Variants in DAP observed in about 807,000 individuals in gnomAD.
The protein encoded by DAP is death associated protein, also known as death-associated protein 1.
Under a neutral mutation model 13.8 loss-of-function variants are expected in DAP, and 8 were observed. That is an observed-to-expected ratio of 0.58 (90% CI 0.34 to 1.05). The LOEUF is 1.05. Among genes scored for constraint, DAP ranks in the 50% least tolerant of loss-of-function variants. DAP has a pLI of 0.03. For missense variants in DAP, 106 were observed against 133.2 expected (o/e 0.80, Z 1.01); for synonymous variants, 47 against 47.5 (o/e 0.99, Z 0.04).
intron 2 of DAP, chr5:10,734,391 C>G (rs930099698): frequency 2.2e-4 from 34 of 152,298 alleles, no homozygotes; most frequent in African/African-American, 7.7e-4. Context: ...CCAGAAGCCA[C>G]TGGCCCTAGA....
At chr5:10,724,402 C>T (rs534369828) in intron 2 of DAP, among the ~76,000 whole-genome samples, 3 of 152,306 alleles carry the variant, frequency 2.0e-5, no homozygotes, top group African/African-American at 7.2e-5. Flanking sequence ...ATTTTTCCCT[C>T]ATTTTCTTTT....
chr5:10,707,194 G>C lies in DAP; in HGVS notation c.153-23623C>G, dbSNP rs185310540. Among the ~76,000 whole-genome samples, 2 of 152,338 alleles carry C rather than the reference G, an allele frequency of 1.3e-5. No individual in the cohort carries two copies. The highest frequency in any genetic ancestry group is 4.8e-5 in the African/African-American group (2 of 41,568). Reference sequence around the variant, plus strand: ...CAAGTGCTATGAAGGGGAAGGCCAAGGTGCTAAAGGAGCACACAGCAGGGG... The same window carrying C: ...CAAGTGCTATGAAGGGGAAGGCCAACGTGCTAAAGGAGCACACAGCAGGGG... On this transcript the variant is annotated intron_variant, in intron 2 of 3. Coordinates refer to ENST00000230895, the MANE Select transcript of DAP (RefSeq NM_004394.3). This position sits in a 1 kb window ranked among gnomAD's most constrained non-coding sequence, Gnocchi z 4.0.
chr5:10,688,852 G>A (rs546060445), intron 2 of DAP, among the ~76,000 whole-genome samples: 1 of 151,940 alleles, frequency 6.6e-6, no homozygotes, highest in Admixed American at 6.5e-5. Flanking sequence ...AGGCCTCCAT[G>A]TTGGGTGTTC....
At chr5:10,687,297 G>T (rs1333704551) in intron 2 of DAP, among the ~76,000 whole-genome samples, 1 of 152,178 alleles carries the variant, frequency 6.6e-6, no homozygotes, top group Admixed American at 6.5e-5. Flanking sequence ...AAGTAATTTT[G>T]ACTTTCAAGT....
chr5:10,742,205 G>C (rs1193081748), intron 2 of DAP, among the ~76,000 whole-genome samples: 1 of 152,116 alleles, frequency 6.6e-6, no homozygotes, highest in Non-Finnish European at 1.5e-5. Flanking sequence ...TGTCAGTATG[G>C]ACTCATGGAT....
intron 1 of DAP, among the ~76,000 whole-genome samples, chr5:10,754,143 C>T (rs1305356306): frequency 6.6e-6 from 1 of 152,166 alleles, no homozygotes; most frequent in African/African-American, 2.4e-5. Flanking sequence ...TCTATGGAAG[C>T]CCATGCACCT....
At position 10,751,006 on chromosome 5, in the gene DAP, A is replaced by T. The variant is rs1012846941; in HGVS notation, c.56-2735T>A. ...ATGTAAAAGCAAGCCTTTGTTTACA[A>T]ATTCTCAAGGAGACCTCTGTCCCCA... On this transcript the variant is annotated intron_variant, in intron 1 of 3. Coordinates refer to ENST00000230895, the MANE Select transcript of DAP (RefSeq NM_004394.3). Among the ~76,000 whole-genome samples the T allele has an allele frequency of 2.0e-5, 3 of 152,238 alleles. No homozygotes were observed. In the South Asian group the frequency reaches 6.2e-4, roughly 31 times the overall value.
intron 2 of DAP, among the ~76,000 whole-genome samples, chr5:10,705,647 C>G (rs1164462355): frequency 6.6e-6 from 1 of 152,232 alleles, no homozygotes; most frequent in Non-Finnish European, 1.5e-5. Flanking sequence ...GAAAGGAGAA[C>G]TCAACTTTGG....
chr5:10,701,277 G>A (rs924249208), intron 2 of DAP, among the ~76,000 whole-genome samples: 1 of 152,234 alleles, frequency 6.6e-6, no homozygotes, highest in East Asian at 1.9e-4. Context: ...TGGAACAGGA[G>A]CACTAACTCA....
intron 2 of DAP, among the ~76,000 whole-genome samples, chr5:10,710,718 G>T (rs1401945153): frequency 1.3e-5 from 2 of 152,204 alleles, no homozygotes; most frequent in Non-Finnish European, 2.9e-5. Context: ...GGGCAAGCAG[G>T]CTGGGAGTGT....
chr5:10,691,809 A>C (rs1247724288), intron 2 of DAP, among the ~76,000 whole-genome samples: 2 of 152,222 alleles, frequency 1.3e-5, no homozygotes, highest in Admixed American at 6.5e-5. Flanking sequence ...ACACTAGCAG[A>C]AACTGCAGCT....
At chr5:10,737,370 A>AAAC (rs375025700) in intron 2 of DAP, among the ~76,000 whole-genome samples, 6,835 of 150,722 alleles carry the variant, frequency 0.045, 491 homozygotes, top group African/African-American at 0.15. Context: ...AACAAAAACA[A>AAAC]AACAACAACA....
intron 2 of DAP, among the ~76,000 whole-genome samples, chr5:10,703,298 C>T (rs1048185352): frequency 1.3e-5 from 2 of 152,152 alleles, no homozygotes; most frequent in East Asian, 1.9e-4. Flanking sequence ...TCAGAAGACA[C>T]GTAATCCAAG....
Position 10,735,024 on chromosome 5 carries a change from C to A in DAP, c.152+13151G>T, listed in dbSNP as rs16885264. Among the ~76,000 whole-genome samples the A allele has an allele frequency of 4.5e-3, 688 of 152,318 alleles. 4 individuals carry two copies. Among genetic ancestry groups the A allele is most frequent in the African/African-American group, 0.015 (632 of 41,568 alleles). On this transcript the variant is annotated intron_variant, in intron 2 of 3. Coordinates refer to ENST00000230895, the MANE Select transcript of DAP (RefSeq NM_004394.3). The stretch of plus-strand genomic sequence containing the variant: ...CCCTTCATCTGCTTTCAGTGTCTTG[C>A]AACATACCCATGACTCCATCTGGTT...
intron 2 of DAP, among the ~76,000 whole-genome samples, chr5:10,743,840 C>A (rs1353707958): frequency 6.6e-6 from 1 of 152,194 alleles, no homozygotes; most frequent in East Asian, 1.9e-4. Context: ...GAAGAACCAC[C>A]AGTAACTAGA....
At chr5:10,734,469 C>T (rs982765987) in intron 2 of DAP, among the ~76,000 whole-genome samples, 1 of 152,198 alleles carries the variant, frequency 6.6e-6, no homozygotes, top group African/African-American at 2.4e-5. Context: ...GGATCTCGGA[C>T]ATATGGGTAC....
chr5:10,691,582 G>C (rs1425535642), intron 2 of DAP, among the ~76,000 whole-genome samples: 1 of 152,188 alleles, frequency 6.6e-6, no homozygotes, highest in Non-Finnish European at 1.5e-5. Context: ...TAGCTGCTTT[G>C]AGGATTTATT....
At chr5:10,695,229 A>C (rs1249665817) in intron 2 of DAP, among the ~76,000 whole-genome samples, 1 of 152,100 alleles carries the variant, frequency 6.6e-6, no homozygotes, top group Non-Finnish European at 1.5e-5. Context: ...CAACATTTCC[A>C]CAAGATGGCA....
At chr5:10,697,138 G>A (rs935506109) in intron 2 of DAP, among the ~76,000 whole-genome samples, 1 of 152,152 alleles carries the variant, frequency 6.6e-6, no homozygotes, top group African/African-American at 2.4e-5. Flanking sequence ...TACATTGTTG[G>A]GAGACCTTGG....
Sources: gnomAD v4.1 joint callset for allele counts (sites outside exome capture counted in the v4.1 genomes callset) on GRCh38, gnomAD v4.1.1 for gene constraint, Gnocchi (gnomAD v3.1) non-coding constraint, MANE v1.5 for transcripts, NCBI Gene and HGNC (gene_info 2026-07-23, HGNC 2026-07-21) for gene names.